The following SMOC1 variants were observed in gnomAD, a reference collection of about 807,000 sequenced individuals.
SMOC1 encodes the protein SPARC related modular calcium binding 1.
Under a neutral mutation model 56.3 loss-of-function variants are expected in SMOC1, and 22 were observed. That is an observed-to-expected ratio of 0.39 (90% confidence interval 0.28 to 0.56). SMOC1 has a LOEUF of 0.56. SMOC1 is among the 20% of genes least tolerant of loss of function. SMOC1 has a pLI of 0.61. For missense variants in SMOC1, 509 were observed against 565.4 expected (o/e 0.90, Z 1.01); for synonymous variants, 193 against 215.0 (o/e 0.90, Z 0.89).
At chr14:69,981,863 G>A (rs1029478978) in intron 5 of SMOC1, among the ~76,000 whole-genome samples, 2 of 152,192 alleles carry the variant, frequency 1.3e-5, no homozygotes, top group Middle Eastern at 3.2e-3. Context: ...GTGATTTGAG[G>A]AGCTTCCAGG....
chr14:69,994,696 T>A (rs1884704224), intron 7 of SMOC1, among the ~76,000 whole-genome samples: 1 of 152,238 alleles, frequency 6.6e-6, no homozygotes, highest in African/African-American at 2.4e-5. Context: ...AGGTCGTTGA[T>A]CCTCTTAACA....
At chr14:69,916,746 C>T (rs191676672) in intron 1 of SMOC1, among the ~76,000 whole-genome samples, 1 of 152,326 alleles carries the variant, frequency 6.6e-6, no homozygotes, top group African/African-American at 2.4e-5. Context: ...CCTGGCCAGC[C>T]TATGGGTAAG....
At chr14:69,986,990 C>G (rs1884390544) in intron 5 of SMOC1, among the ~76,000 whole-genome samples, 1 of 152,192 alleles carries the variant, frequency 6.6e-6, no homozygotes, top group South Asian at 2.1e-4. Flanking sequence ...GTTGAGGTGG[C>G]CTAGCATTCC....
chr14:69,997,748 A>G (rs1261238349), intron 7 of SMOC1, among the ~76,000 whole-genome samples: 1 of 152,138 alleles, frequency 6.6e-6, no homozygotes, highest in East Asian at 1.9e-4. Flanking sequence ...CTTAATGATA[A>G]CTTATGTCTG....
chr14:69,940,661 C>T (rs1395464150), intron 1 of SMOC1, among the ~76,000 whole-genome samples: 1 of 152,228 alleles, frequency 6.6e-6, no homozygotes, highest in East Asian at 1.9e-4. Flanking sequence ...TAAGTCCTCT[C>T]TTATAATCCA....
intron 1 of SMOC1, among the ~76,000 whole-genome samples, chr14:69,936,220 G>A (rs1046068629): frequency 2.6e-5 from 4 of 152,148 alleles, no homozygotes; most frequent in African/African-American, 4.8e-5. Context: ...GCTGAGTGCC[G>A]CTGGCAGCCC....
At chr14:69,887,711 A>T (rs1391543902) in intron 1 of SMOC1, among the ~76,000 whole-genome samples, 2 of 152,196 alleles carry the variant, frequency 1.3e-5, no homozygotes, top group African/African-American at 4.8e-5. Flanking sequence ...CCTGGCATAA[A>T]CGTCTGCATC....
At chr14:70,019,301 G>C (rs1465833549) in intron 10 of SMOC1, among the ~76,000 whole-genome samples, 2 of 152,214 alleles carry the variant, frequency 1.3e-5, no homozygotes, top group Non-Finnish European at 2.9e-5. Flanking sequence ...TATGTTGTCT[G>C]AACCATAGTC....
At chr14:69,988,672 A>G (rs994637630) in intron 5 of SMOC1, among the ~76,000 whole-genome samples, 4 of 152,154 alleles carry the variant, frequency 2.6e-5, no homozygotes, top group African/African-American at 9.7e-5. Flanking sequence ...CATCACCCCA[A>G]AAAGCAACCT....
At chr14:69,981,941 A>G (rs2139517355) in intron 5 of SMOC1, among the ~76,000 whole-genome samples, 1 of 152,226 alleles carries the variant, frequency 6.6e-6, no homozygotes, top group East Asian at 1.9e-4. Context: ...GAGGGAAGGA[A>G]GTTCTTAGCC....
intron 11 of SMOC1, 111 bp from the exon 12 acceptor site, chr14:70,030,131 G>T (rs1289822377): frequency 5.2e-6 from 8 of 1,527,382 alleles, no homozygotes; most frequent in Non-Finnish European, 7.2e-6. Context: ...TGCACTTGTG[G>T]GGAAATTGAT....
At chr14:69,974,212 C>T (rs759598098) in intron 3 of SMOC1, among the ~76,000 whole-genome samples, 3 of 152,104 alleles carry the variant, frequency 2.0e-5, no homozygotes, top group Non-Finnish European at 2.9e-5. Flanking sequence ...GATGAATCAA[C>T]AGCTAGAGCT....
intron 7 of SMOC1, among the ~76,000 whole-genome samples, chr14:70,004,898 C>T (rs537903474): frequency 1.8e-4 from 27 of 152,348 alleles, no homozygotes; most frequent in Admixed American, 6.5e-4. Context: ...TCTCTCCACC[C>T]GTCTCCCCCT....
rs907033931 is a variant in SMOC1 at position 70,030,904 on chromosome 14, G to T, written c.*646G>T. On this transcript the variant is annotated 3_prime_UTR_variant, in exon 12 of 12. Coordinates refer to ENST00000361956, the MANE Select transcript of SMOC1 (RefSeq NM_001034852.3). ...TCACTTGGCTCTCGGCCTTGTCCAG[G>T]GAGGTTGGGCTAAGGAGAGATGGAA... The T allele has an allele frequency of 6.6e-6, 1 of 152,338 alleles. No homozygotes were observed. Among genetic ancestry groups the T allele is most frequent in the Admixed American group, 6.5e-5 (1 of 15,280 alleles). 9.4% of individuals were successfully genotyped at this position (152,338 alleles called of 1,614,324 possible).
At chr14:69,921,163 C>T (rs1028021094) in intron 1 of SMOC1, among the ~76,000 whole-genome samples, 4 of 152,150 alleles carry the variant, frequency 2.6e-5, no homozygotes, top group Admixed American at 1.3e-4. Flanking sequence ...AGCATCGCCT[C>T]GGCTGTGACT....
rs1885809255 is a variant in SMOC1, at chr14:70,023,463, T to C, written c.1291+16T>C. On this transcript the variant is annotated intron_variant, in intron 11 of 11. Transcript: ENST00000361956. Reference sequence around the variant, plus strand: ...AGCAAAGAAGGTGAGTGCTCTCCCCTGTGCTCCTGGCCTTTCAATACTTGC... The same window carrying C: ...AGCAAAGAAGGTGAGTGCTCTCCCCCGTGCTCCTGGCCTTTCAATACTTGC... 5 of 1,613,840 alleles carry C rather than the reference T, an allele frequency of 3.1e-6. No individual in the cohort carries two copies. In the Middle Eastern group the frequency reaches 6.6e-4, roughly 213 times the overall value.
At chr14:69,927,169 T>C (rs1044051975) in intron 1 of SMOC1, among the ~76,000 whole-genome samples, 4 of 152,234 alleles carry the variant, frequency 2.6e-5, no homozygotes, top group African/African-American at 9.6e-5. Context: ...TGAGGTAACA[T>C]GTGTAGAACA....
chr14:69,879,699 C>T lies in SMOC1; in HGVS notation c.21C>T (p.Ala7=), dbSNP rs138862255. 1.7e-3 allele frequency: 2,668 copies of T among 1,578,372 alleles called. 3 individuals are homozygous for T. Among genetic ancestry groups the T allele is most frequent in the Non-Finnish European group, 1.9e-3 (2,264 of 1,171,166 alleles). ...GCACCATGCTGCCCGCGCGCTGCGCCCGCCTGCTCACGCCCCACTTGCTGC... is the reference window on the plus strand; with the variant it reads ...GCACCATGCTGCCCGCGCGCTGCGCTCGCCTGCTCACGCCCCACTTGCTGC... MLPARC[A]RLLTPHLLLV... is the part of the protein sequence containing the mutation. Residue 7 remains alanine, a synonymous_variant, in exon 1 of 12, where the codon GCC becomes GCT. Transcript: ENST00000361956.
At chr14:69,906,750 A>G (rs1268392066) in intron 1 of SMOC1, among the ~76,000 whole-genome samples, 2 of 152,210 alleles carry the variant, frequency 1.3e-5, no homozygotes, top group East Asian at 3.9e-4. Flanking sequence ...AGAGACATCC[A>G]CTGAATTTGC....
Sources: allele counts gnomAD v4.1 joint callset (sites outside exome capture counted in the v4.1 genomes callset), GRCh38; gene constraint gnomAD v4.1.1; transcripts MANE v1.5; gene names NCBI Gene and HGNC (gene_info 2026-07-23, HGNC 2026-07-21).